The following MTAP variants were observed in gnomAD, a reference collection of about 807,000 sequenced individuals.
MTAP encodes the protein methylthioadenosine phosphorylase.
Under a neutral mutation model 33.6 loss-of-function variants are expected in MTAP, and 33 were observed. The ratio of observed to expected loss-of-function variants is 0.98; its 90% CI spans 0.74 to 1.31. The LOEUF is 1.31. Ranked by LOEUF, MTAP falls within the 40% of genes most tolerant of loss-of-function variation. The pLI is 0.00. For synonymous variants in MTAP, 148 were observed against 125.7 expected (o/e 1.18, Z -1.19); for missense variants, 367 against 360.0 (o/e 1.02, Z -0.16).
intron 1 of MTAP, chr9:21,929,749 G>A (rs1435683065): frequency 3.7e-5 from 8 of 216,042 alleles, no homozygotes; most frequent in Non-Finnish European, 7.6e-5. Context: ...AAGCAAAGCA[G>A]TATTTACTTG....
At chr9:21,818,922 A>G (rs181184209) in intron 4 of MTAP, among the ~76,000 whole-genome samples, 2 of 152,284 alleles carry the variant, frequency 1.3e-5, no homozygotes, top group Admixed American at 1.3e-4. Flanking sequence ...CGTCTCCCCA[A>G]ACCCCAGCCC....
rs1825807126 is a variant in MTAP at position 21,864,048 on chromosome 9, T to C, written c.*2034T>C. The C allele has an allele frequency of 1.0e-6, 1 of 985,418 alleles. No individual in the cohort carries two copies. Among genetic ancestry groups the C allele is most frequent in the South Asian group, 4.7e-5 (1 of 21,282 alleles). 61.0% of individuals were successfully genotyped at this position (985,418 alleles called of 1,614,324 possible). A position where few individuals can be genotyped will look rare whatever the true frequency, so the allele number is the denominator to read the frequency against. On this transcript the variant is annotated 3_prime_UTR_variant, in exon 8 of 8. Transcript: ENST00000644715. ...TCACTACAATATGATACATAGATGG[T>C]ACCTTACTTTTCCTCATTCTTAATA...
At chr9:21,821,000 G>T (rs964522401) in intron 4 of MTAP, among the ~76,000 whole-genome samples, 1 of 152,192 alleles carries the variant, frequency 6.6e-6, no homozygotes, top group South Asian at 2.1e-4. Context: ...TGCTGAAGTT[G>T]CTTTTCATCT....
chr9:21,873,916 C>T (rs985211251), intron 1 of MTAP, among the ~76,000 whole-genome samples: 5 of 151,698 alleles, frequency 3.3e-5, no homozygotes, highest in Non-Finnish European at 5.9e-5. Context: ...GCACTTTTTT[C>T]GGAATAAAAA....
At position 21,863,802 on chromosome 9, in the gene MTAP, G is replaced by T; in HGVS notation, c.*1788G>T. On this transcript the variant is annotated 3_prime_UTR_variant, in exon 8 of 8. Coordinates refer to ENST00000644715, the MANE Select transcript of MTAP (RefSeq NM_002451.4). ...TCAATGTGTTTGTTTGTGTCTCTGA[G>T]ATTGACTTCAAGATAATAAGCTGCT... The T allele has an allele frequency of 1.0e-6, 1 of 985,786 alleles. No individual in the cohort carries two copies. 61.1% of individuals were successfully genotyped at this position (985,786 alleles called of 1,614,324 possible).
intron 1 of MTAP, among the ~76,000 whole-genome samples, chr9:21,916,633 A>G (rs1261163974): frequency 1.3e-5 from 2 of 152,114 alleles, no homozygotes; most frequent in African/African-American, 4.8e-5. Flanking sequence ...ACATCTGGAC[A>G]CAAACACAGG....
chr9:21,868,296 C>G (rs1235082936), downstream of MTAP, among the ~76,000 whole-genome samples: 4 of 152,122 alleles, frequency 2.6e-5, no homozygotes, highest in African/African-American at 4.8e-5. Flanking sequence ...ATAGGTTGTG[C>G]TTGGGGCACT....
chr9:21,868,191 GATATATTTT>G (rs1825883741), downstream of MTAP, among the ~76,000 whole-genome samples: 1 of 152,118 alleles, frequency 6.6e-6, no homozygotes, highest in Non-Finnish European at 1.5e-5. Flanking sequence ...TCCTTTAATT[GATATATTTT>G]AAGGAATGGA....
intron 6 of MTAP, chr9:21,856,224 G>T (rs1482335590): frequency 1.0e-6 from 1 of 974,428 alleles, no homozygotes; most frequent in South Asian, 4.7e-5. Flanking sequence ...CACATTTAGG[G>T]TAAGTGACAT....
intron 1 of MTAP, among the ~76,000 whole-genome samples, chr9:21,878,227 T>C (rs1826038544): frequency 6.6e-6 from 1 of 152,078 alleles, no homozygotes; most frequent in South Asian, 2.1e-4. Context: ...CTGATTGTGT[T>C]TATTTGGATA....
chr9:21,819,660 A>G (rs1172898566), intron 4 of MTAP, among the ~76,000 whole-genome samples: 2 of 152,218 alleles, frequency 1.3e-5, no homozygotes, highest in African/African-American at 4.8e-5. Context: ...ATACCCAGTA[A>G]TGGGATGGCT....
intron 1 of MTAP, among the ~76,000 whole-genome samples, chr9:21,911,757 G>A (rs1818580425): frequency 6.6e-6 from 1 of 152,094 alleles, no homozygotes; most frequent in African/African-American, 2.4e-5. Flanking sequence ...AAAGCTAGCA[G>A]AAGGCAAGAA....
At chr9:21,847,726 C>T (rs1441725330) in intron 5 of MTAP, among the ~76,000 whole-genome samples, 2 of 152,154 alleles carry the variant, frequency 1.3e-5, no homozygotes, top group Non-Finnish European at 2.9e-5. Flanking sequence ...TTGTATCTCC[C>T]AGCTCCAGCA....
chr9:21,868,169 A>C (rs561048814), downstream of MTAP, among the ~76,000 whole-genome samples: 125 of 152,342 alleles, frequency 8.2e-4, 1 homozygote, highest in Non-Finnish European at 1.3e-3. Flanking sequence ...ATTTTTCACC[A>C]CAGGCAACTG....
At chr9:21,825,165 A>G (rs1824759035) in intron 4 of MTAP, among the ~76,000 whole-genome samples, 1 of 152,150 alleles carries the variant, frequency 6.6e-6, no homozygotes, top group Non-Finnish European at 1.5e-5. Flanking sequence ...AGTTGGAAAT[A>G]CAGAAATCAC....
At chr9:21,809,570 C>T (rs542169135) in intron 1 of MTAP, among the ~76,000 whole-genome samples, 56 of 150,774 alleles carry the variant, frequency 3.7e-4, no homozygotes, top group African/African-American at 5.1e-4. Flanking sequence ...AACTGGGAGG[C>T]GGAGCTTGCA....
At chr9:21,829,967 A>G (rs917505638) in intron 4 of MTAP, among the ~76,000 whole-genome samples, 2 of 152,012 alleles carry the variant, frequency 1.3e-5, no homozygotes, top group South Asian at 4.2e-4. Flanking sequence ...ACAGCTGATG[A>G]AGTTAAAAAG....
chr9:21,864,665 G>A lies in MTAP; in HGVS notation c.*2651G>A, dbSNP rs569725867. ...GCACGAGTTGCTGTGCAGGGCTGGA[G>A]GTAGCTACCATGGCTTGTTTCAAGG... On this transcript the variant is annotated 3_prime_UTR_variant, in exon 8 of 8. Transcript: ENST00000644715. The A allele has an allele frequency of 7.7e-4, 761 of 985,532 alleles. No individual in the cohort carries two copies. Among genetic ancestry groups the A allele is most frequent in the Admixed American group, 8.6e-4 (14 of 16,286 alleles). 61.0% of individuals were successfully genotyped at this position (985,532 alleles called of 1,614,324 possible).
At position 21,863,444 on chromosome 9, in the gene MTAP, A is replaced by T. The variant is rs1330935705; in HGVS notation, c.*1430A>T. 1 of 584,182 alleles carries T rather than the reference A, an allele frequency of 1.7e-6. No homozygotes were observed. Among genetic ancestry groups the T allele is most frequent in the African/African-American group, 2.0e-5 (1 of 49,482 alleles). 36.2% of individuals were successfully genotyped at this position (584,182 alleles called of 1,614,324 possible). ...AATGCGTTGAAACTCCGTCTCTACT[A>T]AAAATACAAAAAATTAGCTGGGCGT... is the stretch of plus-strand genomic sequence containing the variant. On this transcript the variant is annotated 3_prime_UTR_variant, in exon 8 of 8. Transcript: ENST00000644715.
Sources: gnomAD v4.1 joint callset for allele counts (sites outside exome capture counted in the v4.1 genomes callset) on GRCh38, gnomAD v4.1.1 for gene constraint, MANE v1.5 for transcripts, NCBI Gene and HGNC (gene_info 2026-07-23, HGNC 2026-07-21) for gene names.